Variants in CNTNAP2 observed in about 807,000 individuals in gnomAD.
CNTNAP2 encodes the protein contactin-associated protein-like 2.
CNTNAP2 carries 98 observed loss-of-function variants against 155.2 expected under a neutral mutation model. That is an observed-to-expected ratio of 0.63 (90% CI 0.54 to 0.75). The LOEUF is 0.75. Ranked by LOEUF, CNTNAP2 falls within the 30% of genes least tolerant of loss-of-function variation. CNTNAP2 has a pLI of 0.00. For missense variants in CNTNAP2, 1,727 were observed against 1,688.1 expected (o/e 1.02, Z -0.40); for synonymous variants, 651 against 631.2 (o/e 1.03, Z -0.47).
intron 1 of CNTNAP2, among the ~76,000 whole-genome samples, chr7:146,227,762 A>T (rs916958285): frequency 3.3e-5 from 5 of 152,120 alleles, no homozygotes; most frequent in African/African-American, 1.2e-4. Context: ...GCAGGCATCC[A>T]TGATAATTTA....
At chr7:146,413,201 A>C (rs1331133553) in intron 1 of CNTNAP2, among the ~76,000 whole-genome samples, 2 of 152,218 alleles carry the variant, frequency 1.3e-5, no homozygotes, top group Non-Finnish European at 2.9e-5. Context: ...CACATGAGAA[A>C]GATGCAGGAA....
At chr7:148,316,320 T>C (rs4726949) in intron 21 of CNTNAP2, among the ~76,000 whole-genome samples, 150,166 of 152,088 alleles carry the variant, frequency 0.99, 74,167 homozygotes, top group Non-Finnish European at 1. Flanking sequence ...CACATGTACC[T>C]TAGAACTTAA....
chr7:147,415,716 A>G (rs1584935844), intron 10 of CNTNAP2, among the ~76,000 whole-genome samples: 1 of 152,320 alleles, frequency 6.6e-6, no homozygotes, highest in East Asian at 1.9e-4. Context: ...AAAGCTACAC[A>G]TGGAATGATT....
At chr7:147,054,508 A>G (rs1334250751) in intron 4 of CNTNAP2, among the ~76,000 whole-genome samples, 2 of 152,160 alleles carry the variant, frequency 1.3e-5, no homozygotes, top group South Asian at 4.1e-4. Context: ...CCTAAATTAC[A>G]GTTATACAGT....
chr7:147,088,992 C>T (rs1800341178), intron 4 of CNTNAP2, among the ~76,000 whole-genome samples: 1 of 149,900 alleles, frequency 6.7e-6, no homozygotes. Context: ...GAAAGAGAGA[C>T]AGAGAGATAG....
chr7:147,409,001 A>G lies in CNTNAP2; in HGVS notation c.1670+13221A>G, dbSNP rs534592629. Among the ~76,000 whole-genome samples the G allele has an allele frequency of 2.6e-5, 4 of 152,330 alleles. No homozygotes were observed. In the South Asian group the frequency reaches 6.2e-4, roughly 24 times the overall value. On this transcript the variant is annotated intron_variant, in intron 10 of 23. Transcript: ENST00000361727. ...AGGGCTCATTAGATGTGGAAACCGGAAAAGGTATTGGCTAGAAAGAGAAAC... is the reference window on the plus strand; with the variant it reads ...AGGGCTCATTAGATGTGGAAACCGGGAAAGGTATTGGCTAGAAAGAGAAAC...
At chr7:147,598,426 T>C (rs62483177) in intron 12 of CNTNAP2, among the ~76,000 whole-genome samples, 59,845 of 151,948 alleles carry the variant, frequency 0.39, 11,796 homozygotes, top group Admixed American at 0.44. Flanking sequence ...AGTGAGAACA[T>C]ACAGTGTTTG....
intron 3 of CNTNAP2, among the ~76,000 whole-genome samples, chr7:146,867,897 T>A (rs985619920): frequency 6.6e-6 from 1 of 151,946 alleles, no homozygotes; most frequent in Non-Finnish European, 1.5e-5. Flanking sequence ...AAATTTTAAG[T>A]TTCTTATAGA....
intron 1 of CNTNAP2, among the ~76,000 whole-genome samples, chr7:146,453,157 C>T (rs964182472): frequency 6.6e-6 from 1 of 152,298 alleles, no homozygotes; most frequent in East Asian, 1.9e-4. Flanking sequence ...TAAGAAGAAA[C>T]CCTCCGGAAT....
intron 1 of CNTNAP2, among the ~76,000 whole-genome samples, chr7:146,637,034 G>A (rs968557828): frequency 1.3e-5 from 2 of 152,088 alleles, no homozygotes; most frequent in African/African-American, 4.8e-5. Context: ...TTCACAATTT[G>A]GGCAATAATG....
chr7:147,078,445 A>G (rs1800037970), intron 4 of CNTNAP2, among the ~76,000 whole-genome samples: 1 of 152,170 alleles, frequency 6.6e-6, no homozygotes. Context: ...AGCCCCGATG[A>G]CTGTTTTTCT....
intron 8 of CNTNAP2, among the ~76,000 whole-genome samples, chr7:147,133,683 A>G (rs1427315874): frequency 6.6e-6 from 1 of 152,068 alleles, no homozygotes; most frequent in East Asian, 1.9e-4. Flanking sequence ...CCCCTGCTAT[A>G]GAACATATAT....
chr7:146,942,090 C>G (rs1022026041), intron 3 of CNTNAP2, among the ~76,000 whole-genome samples: 10 of 151,948 alleles, frequency 6.6e-5, no homozygotes, highest in African/African-American at 2.2e-4. Flanking sequence ...GCTTTCTATT[C>G]TTTTAATATT....
rs181357024 is a variant in CNTNAP2, at chr7:146,758,203, A to G, written c.98-16068A>G. 1.6e-3 allele frequency among the ~76,000 whole-genome samples: 238 copies of G among 152,074 alleles called. 3 individuals are homozygous for G. Among genetic ancestry groups the G allele is most frequent in the African/African-American group, 5.6e-3 (233 of 41,492 alleles). The stretch of plus-strand genomic sequence containing the variant: ...AAAACCCACCTGGCGTATTAATCAA[A>G]CTGACTTTTTGTAGCCTCTGATTAG... On this transcript the variant is annotated intron_variant, in intron 1 of 23. Coordinates refer to ENST00000361727, the MANE Select transcript of CNTNAP2 (RefSeq NM_014141.6).
At chr7:148,235,335 GAAGA>G (rs1440557905) in intron 20 of CNTNAP2, among the ~76,000 whole-genome samples, 2 of 152,182 alleles carry the variant, frequency 1.3e-5, no homozygotes, top group Non-Finnish European at 2.9e-5. Flanking sequence ...GCTAGAAGTA[GAAGA>G]AAGGATACAA....
intron 15 of CNTNAP2, among the ~76,000 whole-genome samples, chr7:148,102,269 T>C (rs916241023): frequency 6.6e-6 from 1 of 152,222 alleles, no homozygotes; most frequent in Non-Finnish European, 1.5e-5. Flanking sequence ...ATGATGGCCT[T>C]CAGCCCCATG....
chr7:147,594,036 G>A (rs556872990), intron 12 of CNTNAP2, among the ~76,000 whole-genome samples: 3 of 151,754 alleles, frequency 2.0e-5, no homozygotes, highest in East Asian at 3.9e-4. Context: ...TTCAACATGT[G>A]AAAGTATATT....
At chr7:146,260,685 C>T (rs565185709) in intron 1 of CNTNAP2, among the ~76,000 whole-genome samples, 57 of 152,308 alleles carry the variant, frequency 3.7e-4, no homozygotes, top group Non-Finnish European at 6.3e-4. Flanking sequence ...TTGTCCCGTG[C>T]CTGCACCCCC....
intron 1 of CNTNAP2, among the ~76,000 whole-genome samples, chr7:146,233,067 T>C (rs749340872): frequency 1.5e-4 from 23 of 152,136 alleles, no homozygotes; most frequent in Non-Finnish European, 3.4e-4. Context: ...ACAATCCCAA[T>C]TGATCCTGCA....
Sources: gnomAD v4.1 joint callset for allele counts (sites outside exome capture counted in the v4.1 genomes callset) on GRCh38, gnomAD v4.1.1 for gene constraint, MANE v1.5 for transcripts, NCBI Gene and HGNC (gene_info 2026-07-23, HGNC 2026-07-21) for gene names.